The following AMPH variants were observed in gnomAD, a reference collection of about 807,000 sequenced individuals.
AMPH encodes amphiphysin, also known as amphiphysin (Stiff-Mann syndrome with breast cancer 128kD autoantigen).
Under a neutral mutation model 99.1 loss-of-function variants are expected in AMPH, and 49 were observed. The observed-to-expected ratio is 0.49, with a 90% CI of 0.39 to 0.63. AMPH has a LOEUF of 0.63. Among genes scored for constraint, AMPH ranks in the 20% least tolerant of loss-of-function variants. AMPH has a pLI of 0.00. For synonymous variants in AMPH, 314 were observed against 317.3 expected (o/e 0.99, Z 0.11); for missense variants, 759 against 863.4 (o/e 0.88, Z 1.52).
chr7:38,617,668 G>A (rs1048088263), intron 1 of AMPH, among the ~76,000 whole-genome samples: 1 of 152,194 alleles, frequency 6.6e-6, no homozygotes, highest in Non-Finnish European at 1.5e-5. Flanking sequence ...AAGTTTTGCA[G>A]AAATATTTAA....
chr7:38,491,132 A>G lies in AMPH; in HGVS notation c.314T>C (p.Leu105Pro), dbSNP rs1352953228. ...GAGTTTTTGATGGAAGTCTTCCCAC[A>G]GCACATCACATTTCTAAAAGAAATA... The part of the protein sequence containing the change: ...VKMVGEKCDV[L>P]WEDFHQKLVD... The change falls in exon 5 of 21, where the codon CTG becomes CCG. Residue 105 changes from leucine (L) to proline (P), a missense_variant. By Grantham distance (98) the Leu-to-Pro change is moderately conservative. Around this residue, in one of 2 missense-constraint regions of AMPH, gnomAD observed 205 missense variants for 287.9 expected, o/e 0.71. Coordinates refer to ENST00000356264, the MANE Select transcript of AMPH (RefSeq NM_001635.4). 2 of 1,611,778 alleles carry G rather than the reference A, an allele frequency of 1.2e-6. No individual in the cohort carries two copies. The highest frequency in any genetic ancestry group is 2.2e-5 in the East Asian group (1 of 44,836).
chr7:38,603,565 C>T (rs1340790121), intron 1 of AMPH, among the ~76,000 whole-genome samples: 1 of 152,170 alleles, frequency 6.6e-6, no homozygotes, highest in South Asian at 2.1e-4. Context: ...CAGCTACGAA[C>T]GTACATGCTT....
At chr7:38,459,063 T>C (rs1289418883) in intron 11 of AMPH, among the ~76,000 whole-genome samples, 1 of 152,042 alleles carries the variant, frequency 6.6e-6, no homozygotes, top group African/African-American at 2.4e-5. Flanking sequence ...CAAAAATCGG[T>C]AGCATTTCTG....
Position 38,393,991 on chromosome 7 carries a change from C to T in AMPH, c.1608+14G>A, listed in dbSNP as rs757910922. On this transcript the variant is annotated intron_variant, in intron 18 of 20. Coordinates refer to ENST00000356264, the MANE Select transcript of AMPH (RefSeq NM_001635.4). ...TTCCCAGGAGCTCCCCTGGCTGCGA[C>T]ATGGGACACTCACCTGAGGCACTGT... The T allele has an allele frequency of 1.9e-6, 3 of 1,614,134 alleles. No homozygotes were observed. The highest frequency in any genetic ancestry group is 2.5e-6 in the Non-Finnish European group (3 of 1,179,966).
intron 19 of AMPH, among the ~76,000 whole-genome samples, chr7:38,391,079 A>G (rs1784480708): frequency 2.6e-5 from 4 of 152,166 alleles, no homozygotes; most frequent in Admixed American, 2.6e-4. Flanking sequence ...AATCAAATTT[A>G]AAAACTTAAA....
intron 1 of AMPH, among the ~76,000 whole-genome samples, chr7:38,609,520 G>A (rs914709990): frequency 6.6e-5 from 10 of 152,166 alleles, no homozygotes; most frequent in African/African-American, 2.4e-4. Flanking sequence ...CACAAAGGCA[G>A]TCAGTGAAGA....
chr7:38,415,756 C>T (rs1785362314), intron 17 of AMPH, among the ~76,000 whole-genome samples: 1 of 151,950 alleles, frequency 6.6e-6, no homozygotes, highest in African/African-American at 2.4e-5. Flanking sequence ...TATTATTTTT[C>T]AGTCCATATG....
intron 17 of AMPH, among the ~76,000 whole-genome samples, chr7:38,406,369 AG>A (rs147510823): frequency 0.023 from 3,472 of 152,266 alleles, 115 homozygotes; most frequent in African/African-American, 0.076. Context: ...CAAAGATCAG[AG>A]CGGAACTAAA....
chr7:38,433,358 T>C (rs1786115078), intron 12 of AMPH, among the ~76,000 whole-genome samples: 1 of 152,198 alleles, frequency 6.6e-6, no homozygotes, highest in Non-Finnish European at 1.5e-5. Flanking sequence ...CCACAGTTTT[T>C]TGTACATGGA....
intron 15 of AMPH, among the ~76,000 whole-genome samples, chr7:38,426,350 A>G: frequency 6.6e-6 from 1 of 152,184 alleles, no homozygotes; most frequent in East Asian, 1.9e-4. Flanking sequence ...CTAATGGGAC[A>G]GTTCATCTTG....
chr7:38,415,421 A>G (rs1445441737), intron 17 of AMPH, among the ~76,000 whole-genome samples: 1 of 152,192 alleles, frequency 6.6e-6, no homozygotes, highest in African/African-American at 2.4e-5. Flanking sequence ...CCAGCCAATT[A>G]ATTAATGCTA....
chr7:38,479,069 A>C (rs1159792515), intron 5 of AMPH, among the ~76,000 whole-genome samples: 3 of 152,134 alleles, frequency 2.0e-5, no homozygotes, highest in African/African-American at 4.8e-5. Flanking sequence ...AATGGCTGAA[A>C]ATTTTTTTTA....
rs200440033 is a variant in AMPH, at chr7:38,389,943, G to C, written c.1879-38C>G. ...AGAATACATAAAAATCAATTTCCCAGCCAGATTTCAAGCAGACACTCTTAC... is the reference window on the plus strand; with the variant it reads ...AGAATACATAAAAATCAATTTCCCACCCAGATTTCAAGCAGACACTCTTAC... On this transcript the variant is annotated intron_variant, in intron 19 of 20. Coordinates refer to ENST00000356264, the MANE Select transcript of AMPH (RefSeq NM_001635.4). 3.3e-6 allele frequency: 5 copies of C among 1,498,218 alleles called. No homozygotes were observed. The East Asian group carries it at 9.0e-5, about 27-fold the overall frequency. The allele number at this position is 1,498,218 out of a possible 1,614,324, so 92.8% of individuals were successfully genotyped here.
intron 9 of AMPH, among the ~76,000 whole-genome samples, chr7:38,465,042 T>C (rs1358182179): frequency 6.6e-6 from 1 of 152,190 alleles, no homozygotes; most frequent in Non-Finnish European, 1.5e-5. Context: ...CCTCTTTCCT[T>C]TCCCAAAATG....
chr7:38,552,217 T>A (rs1791204213), intron 1 of AMPH, among the ~76,000 whole-genome samples: 1 of 152,164 alleles, frequency 6.6e-6, no homozygotes, highest in Admixed American at 6.5e-5. Flanking sequence ...CCAAATGGAC[T>A]TGGAGGGAAC....
intron 5 of AMPH, among the ~76,000 whole-genome samples, chr7:38,485,718 G>A (rs182923647): frequency 1.3e-5 from 2 of 152,026 alleles, no homozygotes; most frequent in East Asian, 3.9e-4. Flanking sequence ...TAGAAAGTAT[G>A]AAGGGTCACA....
chr7:38,442,165 G>T (rs1304416748), intron 11 of AMPH, among the ~76,000 whole-genome samples: 1 of 152,020 alleles, frequency 6.6e-6, no homozygotes, highest in African/African-American at 2.4e-5. Context: ...CTTAATACTT[G>T]GGTGAGGAAG....
At chr7:38,530,600 T>C (rs1790361047) in intron 2 of AMPH, among the ~76,000 whole-genome samples, 1 of 152,140 alleles carries the variant, frequency 6.6e-6, no homozygotes, top group South Asian at 2.1e-4. Flanking sequence ...GCCCTCAAGG[T>C]ATCTTCTTTT....
chr7:38,512,646 G>A (rs1046670090), intron 2 of AMPH, among the ~76,000 whole-genome samples: 8 of 152,134 alleles, frequency 5.3e-5, no homozygotes, highest in Non-Finnish European at 1.2e-4. Context: ...AACATGAAGA[G>A]CTTCCTCTAG....
Sources: gnomAD v4.1 joint callset for allele counts (sites outside exome capture counted in the v4.1 genomes callset) on GRCh38, gnomAD v4.1.1 for gene constraint, gnomAD v4.1.1 regional missense constraint, MANE v1.5 for transcripts, NCBI Gene and HGNC (gene_info 2026-07-23, HGNC 2026-07-21) for gene names.